PTPN12: variants seen among roughly 807,000 people sequenced by gnomAD.
The protein encoded by PTPN12 is tyrosine-protein phosphatase non-receptor type 12.
In PTPN12, 29 loss-of-function variants were observed where a neutral mutation model predicts 97.6. The observed-to-expected ratio is 0.30, with a 90% confidence interval of 0.22 to 0.41. PTPN12 has a LOEUF of 0.41. Among genes scored for constraint, PTPN12 ranks in the 10% least tolerant of loss-of-function variants. The pLI, the probability that PTPN12 is intolerant of heterozygous loss-of-function variation, is 1.00. For synonymous variants in PTPN12, 327 were observed against 300.4 expected, an observed-to-expected ratio of 1.09 and a Z score of -0.91; for missense variants, 819 against 926.0, an observed-to-expected ratio of 0.88 and a Z score of 1.50.
At position 77,537,379 on chromosome 7, in the gene PTPN12, C is replaced by T. The variant is rs1476763747; in HGVS notation, c.-168C>T. On this transcript the variant is annotated 5_prime_UTR_variant, in exon 1 of 18. Transcript: ENST00000248594. ...GTGTCGGGAGCCCAGCCGGTGCCGC[C>T]GCAGCCGCCGCCTAGGGCGGTGGGG... 2.0e-6 allele frequency: 2 copies of T among 1,005,816 alleles called. No homozygotes were observed. The highest frequency in any genetic ancestry group is 2.7e-6 in the Non-Finnish European group (2 of 747,526). 62.3% of individuals were successfully genotyped at this position (1,005,816 alleles called of 1,614,324 possible). A position where few individuals can be genotyped will look rare whatever the true frequency, so the allele number is the denominator to read the frequency against.
At chr7:77,630,725 C>G (rs1266333424) in intron 13 of PTPN12, among the ~76,000 whole-genome samples, 1 of 152,154 alleles carries the variant, frequency 6.6e-6, no homozygotes, top group Non-Finnish European at 1.5e-5. Context: ...GACAAAAATT[C>G]TTAGCTATCA....
At chr7:77,556,004 A>G (rs1241292674) in intron 1 of PTPN12, among the ~76,000 whole-genome samples, 5 of 152,112 alleles carry the variant, frequency 3.3e-5, no homozygotes, top group Non-Finnish European at 4.4e-5. Flanking sequence ...ATTCTGGCAT[A>G]CTGTCTACTT....
intron 6 of PTPN12, 121 bp downstream of exon 6, chr7:77,592,377 CT>C: frequency 1.2e-6 from 1 of 805,202 alleles, no homozygotes; most frequent in Non-Finnish European, 1.8e-6. Flanking sequence ...CAAACCTATG[CT>C]TACATTTAAA....
chr7:77,638,304 C>T (rs1789678891), intron 16 of PTPN12, among the ~76,000 whole-genome samples: 1 of 151,948 alleles, frequency 6.6e-6, no homozygotes, highest in Admixed American at 6.6e-5. Context: ...GCAACTATTC[C>T]CTTAGAACAT....
At chr7:77,542,196 A>G (rs1259764990) in intron 1 of PTPN12, among the ~76,000 whole-genome samples, 1 of 152,228 alleles carries the variant, frequency 6.6e-6, no homozygotes, top group Non-Finnish European at 1.5e-5. Context: ...CAGACCGATA[A>G]TAGCAATTCT....
At chr7:77,637,944 A>ATTTTTTTTT (rs1421411134) in intron 16 of PTPN12, among the ~76,000 whole-genome samples, 4 of 89,506 alleles carry the variant, frequency 4.5e-5, no homozygotes, top group Admixed American at 1.9e-4. Context: ...GATTTCTTAA[A>ATTTTTTTTT]ATTTTTTTTT....
intron 1 of PTPN12, among the ~76,000 whole-genome samples, chr7:77,539,553 A>G (rs188876658): frequency 7.2e-4 from 109 of 152,334 alleles, no homozygotes; most frequent in Non-Finnish European, 9.4e-4. Flanking sequence ...GCAAAAGTAG[A>G]AGAAAATACT....
Position 77,537,409 on chromosome 7 carries a change from G to A in PTPN12, c.-138G>A, listed in dbSNP as rs1279148866. 3.1e-6 allele frequency: 4 copies of A among 1,291,968 alleles called. No homozygotes were observed. Among genetic ancestry groups the A allele is most frequent in the Non-Finnish European group, 4.0e-6 (4 of 989,882 alleles). The allele number at this position is 1,291,968 out of a possible 1,614,324, so 80.0% of individuals were successfully genotyped here. ...CCGCCGCCTAGGGCGGTGGGGAGGAGGAGGGAGCCGCGGGGCTTGGCGGGG... is the reference window on the plus strand; with the variant it reads ...CCGCCGCCTAGGGCGGTGGGGAGGAAGAGGGAGCCGCGGGGCTTGGCGGGG... On this transcript the variant is annotated 5_prime_UTR_variant, in exon 1 of 18. Coordinates refer to ENST00000248594, the MANE Select transcript of PTPN12 (RefSeq NM_002835.4).
chr7:77,630,936 G>A (rs1789376946), intron 13 of PTPN12, among the ~76,000 whole-genome samples: 1 of 152,194 alleles, frequency 6.6e-6, no homozygotes. Flanking sequence ...CAAGGGCCAC[G>A]CTTAGAAAAT....
chr7:77,563,830 C>A, intron 1 of PTPN12: 1 of 261,148 alleles, frequency 3.8e-6, no homozygotes. Context: ...GCATATTTTG[C>A]AACTAAAGGT....
intron 13 of PTPN12, among the ~76,000 whole-genome samples, chr7:77,629,963 A>C (rs1305543650): frequency 6.8e-6 from 1 of 147,952 alleles, no homozygotes; most frequent in Non-Finnish European, 1.5e-5. Flanking sequence ...AAAAAAGAGT[A>C]AGATATAGCT....
intron 2 of PTPN12, among the ~76,000 whole-genome samples, chr7:77,572,319 G>T (rs1251621830): frequency 6.6e-6 from 1 of 152,042 alleles, no homozygotes; most frequent in East Asian, 1.9e-4. Context: ...CCAGGGCCCA[G>T]TGGCTTTTTA....
chr7:77,586,251 G>A (rs998615983), intron 5 of PTPN12, among the ~76,000 whole-genome samples: 1 of 152,182 alleles, frequency 6.6e-6, no homozygotes, highest in Non-Finnish European at 1.5e-5. Context: ...ACTGCGCCTG[G>A]CCTTCCATGC....
At chr7:77,610,869 ACTG>A (rs779570309) in intron 10 of PTPN12, 27 bp downstream of exon 10, 36 of 1,587,586 alleles carry the variant, frequency 2.3e-5, no homozygotes, top group East Asian at 1.3e-4. Context: ...CCCTTTATAA[ACTG>A]CTATTTTATA....
At chr7:77,591,391 C>T (rs1461424344) in intron 5 of PTPN12, among the ~76,000 whole-genome samples, 1 of 152,148 alleles carries the variant, frequency 6.6e-6, no homozygotes, top group Non-Finnish European at 1.5e-5. Context: ...TTCTATTTTC[C>T]ATAAAGTTAG....
At chr7:77,632,492 A>G (rs1175847904) in intron 14 of PTPN12, 67 bp downstream of exon 14, 2 of 1,154,800 alleles carry the variant, frequency 1.7e-6, no homozygotes, top group East Asian at 4.7e-5. Flanking sequence ...AACATACCTG[A>G]TTTTAATCTA....
At chr7:77,593,159 C>T (rs1192266134) in intron 6 of PTPN12, among the ~76,000 whole-genome samples, 1 of 151,768 alleles carries the variant, frequency 6.6e-6, no homozygotes, top group Non-Finnish European at 1.5e-5. Flanking sequence ...ATCCCAGCTA[C>T]TTGGGAGGCT....
chr7:77,635,906 C>T lies in PTPN12; in HGVS notation c.2142+57C>T, dbSNP rs1174784762. The T allele has an allele frequency of 5.0e-6, 6 of 1,188,584 alleles. No individual in the cohort carries two copies. The African/African-American group carries it at 7.8e-5, about 15-fold the overall frequency. 73.6% of individuals were successfully genotyped at this position (1,188,584 alleles called of 1,614,324 possible). A position where few individuals can be genotyped will look rare whatever the true frequency, so the allele number is the denominator to read the frequency against. On this transcript the variant is annotated intron_variant, in intron 15 of 17. Transcript: ENST00000248594. ...CTTAACATTTCTACTCTTTTGTTAA[C>T]TAATCTTGCAGTTGTTGAAATAGCT... is the stretch of plus-strand genomic sequence containing the variant.
At chr7:77,563,291 T>A (rs999308845) in intron 1 of PTPN12, among the ~76,000 whole-genome samples, 1 of 152,210 alleles carries the variant, frequency 6.6e-6, no homozygotes, top group Admixed American at 6.5e-5. Context: ...TAACAGTTTA[T>A]TTACTCCCTA....
Sources: allele counts gnomAD v4.1 joint callset (sites outside exome capture counted in the v4.1 genomes callset), GRCh38; gene constraint gnomAD v4.1.1; transcripts MANE v1.5; gene names NCBI Gene and HGNC (gene_info 2026-07-23, HGNC 2026-07-21).